N4BP2L1: variants seen among roughly 807,000 people sequenced by gnomAD.
N4BP2L1 encodes the protein NEDD4-binding protein 2-like 1.
Under a neutral mutation model 21.2 loss-of-function variants are expected in N4BP2L1, and 12 were observed. The observed-to-expected ratio is 0.57, with a 90% CI of 0.36 to 0.92. The LOEUF is 0.92. N4BP2L1 is among the 40% of genes least tolerant of loss of function. The pLI is 0.01. For synonymous variants in N4BP2L1, 104 were observed against 112.8 expected (o/e 0.92, Z 0.49); for missense variants, 259 against 310.6 (o/e 0.83, Z 1.25).
intron 3 of N4BP2L1, among the ~76,000 whole-genome samples, chr13:32,406,033 G>A (rs1218804534): frequency 3.3e-5 from 5 of 150,848 alleles, no homozygotes; most frequent in African/African-American, 7.3e-5. Flanking sequence ...CTCCCCAGTA[G>A]CTGGGACTAC....
At chr13:32,420,950 C>A (rs758377136) in intron 1 of N4BP2L1, among the ~76,000 whole-genome samples, 1 of 152,212 alleles carries the variant, frequency 6.6e-6, no homozygotes, top group Non-Finnish European at 1.5e-5. Context: ...CCCGCCTCAG[C>A]CTCCCAAAGT....
rs775266564 is a variant in N4BP2L1 at position 32,403,123 on chromosome 13, C to T, written c.551G>A (p.Ser184Asn). The T allele has an allele frequency of 1.5e-5, 24 of 1,613,988 alleles. No homozygotes were observed. The highest frequency in any genetic ancestry group is 1.9e-5 in the Non-Finnish European group (23 of 1,180,022). Reference sequence around the variant, plus strand: ...GCTTGGCTTTTCTGCATGAAGCACACTGTGAAAAGTAACATCGTGTTCATA... The same window carrying T: ...GCTTGGCTTTTCTGCATGAAGCACATTGTGAAAAGTAACATCGTGTTCATA... ...ERYEHDVTFH[S>N]VLHAEKPSRM... The change falls in exon 5 of 5, where the codon AGT becomes AAT. Residue 184 changes from serine to asparagine, a missense_variant. Ser to Asn is a conservative substitution (Grantham distance 46). Transcript: ENST00000380130.
At chr13:32,409,522 T>G (rs1400238623) in intron 1 of N4BP2L1, among the ~76,000 whole-genome samples, 4 of 152,236 alleles carry the variant, frequency 2.6e-5, no homozygotes, top group Admixed American at 6.5e-5. Flanking sequence ...TATTGAGCAC[T>G]TAACATGTGC....
chr13:32,402,523 CCCCA>C lies in N4BP2L1; in HGVS notation c.*415_*418del. On this transcript the variant is annotated 3_prime_UTR_variant, in exon 5 of 5. Transcript: ENST00000380130. Reference sequence around the variant, plus strand: ...GGCACTTTGATAAGTAGCAATGCCCCCCCACCACTTCTCTCCACCTTCCCAACTT... The same window carrying C: ...GGCACTTTGATAAGTAGCAATGCCCCCCACTTCTCTCCACCTTCCCAACTT... 1 of 472,298 alleles carries C rather than the reference CCCCA, an allele frequency of 2.1e-6. No homozygotes were observed. Among genetic ancestry groups the C allele is most frequent in the Non-Finnish European group, 2.6e-6 (1 of 379,724 alleles). 29.3% of individuals were successfully genotyped at this position (472,298 alleles called of 1,614,324 possible).
At chr13:32,408,612 C>T (rs1416272108) in intron 1 of N4BP2L1, among the ~76,000 whole-genome samples, 1 of 152,218 alleles carries the variant, frequency 6.6e-6, no homozygotes, top group Non-Finnish European at 1.5e-5. Flanking sequence ...TCATGCTCCG[C>T]AAGAACTGGA....
chr13:32,407,873 C>A, intron 1 of N4BP2L1, 101 bp from the exon 2 acceptor site: 1 of 1,331,656 alleles, frequency 7.5e-7, no homozygotes, highest in Middle Eastern at 1.9e-4. Flanking sequence ...GTTTATAATT[C>A]TGAGACCACC....
chr13:32,410,222 C>T (rs2073774116), intron 1 of N4BP2L1, among the ~76,000 whole-genome samples: 1 of 152,234 alleles, frequency 6.6e-6, no homozygotes, highest in Non-Finnish European at 1.5e-5. Flanking sequence ...GCGGAGTGCC[C>T]TAAGCAGGGT....
At chr13:32,405,892 C>CGTTT (rs2073452557) in intron 3 of N4BP2L1, among the ~76,000 whole-genome samples, 1 of 101,192 alleles carries the variant, frequency 9.9e-6, no homozygotes, top group Non-Finnish European at 1.8e-5. Context: ...TTCCTGCCCC[C>CGTTT]TTTTTTTTTT....
intron 1 of N4BP2L1, among the ~76,000 whole-genome samples, chr13:32,415,689 T>C (rs1244193525): frequency 6.6e-6 from 1 of 152,198 alleles, no homozygotes; most frequent in African/African-American, 2.4e-5. Context: ...TCTTTAATCT[T>C]TTATATCATA....
intron 1 of N4BP2L1, among the ~76,000 whole-genome samples, chr13:32,415,503 C>T (rs1205329056): frequency 1.3e-5 from 2 of 152,040 alleles, no homozygotes; most frequent in East Asian, 1.9e-4. Flanking sequence ...TATTTATTTT[C>T]ACATTTGTCT....
At chr13:32,417,078 G>A (rs1593284076) in intron 1 of N4BP2L1, among the ~76,000 whole-genome samples, 1 of 152,164 alleles carries the variant, frequency 6.6e-6, no homozygotes, top group African/African-American at 2.4e-5. Flanking sequence ...GCCTCCCAAA[G>A]TACTGGGATT....
chr13:32,404,420 A>C (rs2137725859), intron 3 of N4BP2L1, 23 bp from the exon 4 acceptor site: 1 of 1,526,574 alleles, frequency 6.6e-7, no homozygotes, highest in Middle Eastern at 2.2e-4. Flanking sequence ...AAGTACATAA[A>C]ACATTGAAGA....
intron 1 of N4BP2L1, among the ~76,000 whole-genome samples, chr13:32,415,562 T>C (rs770496048): frequency 1.3e-4 from 20 of 152,250 alleles, no homozygotes; most frequent in Non-Finnish European, 2.4e-4. Context: ...TTATCTCTAA[T>C]ATACTTTAAA....
At position 32,413,650 on chromosome 13, in the gene N4BP2L1, C is replaced by T. The variant is rs149934572; in HGVS notation, c.180-5878G>A. ...CAAAACTGTGAGCCCATGTACCGATCCAATTCTCCAACATTTCCCTCAGCA... is the reference window on the plus strand; with the variant it reads ...CAAAACTGTGAGCCCATGTACCGATTCAATTCTCCAACATTTCCCTCAGCA... On this transcript the variant is annotated intron_variant, in intron 1 of 4. Transcript: ENST00000380130. Among the ~76,000 whole-genome samples, 500 of 152,154 alleles carry T rather than the reference C, an allele frequency of 3.3e-3. 3 individuals are homozygous for T. Among genetic ancestry groups the T allele is most frequent in the African/African-American group, 0.011 (475 of 41,516 alleles).
intron 4 of N4BP2L1, 96 bp downstream of exon 4, chr13:32,404,225 A>C: frequency 6.3e-7 from 1 of 1,587,992 alleles, no homozygotes; most frequent in Non-Finnish European, 8.6e-7. Context: ...GAAAACTACC[A>C]TGTCCATTTC....
intron 1 of N4BP2L1, among the ~76,000 whole-genome samples, chr13:32,408,171 T>C (rs2073640122): frequency 6.6e-6 from 1 of 152,194 alleles, no homozygotes; most frequent in Non-Finnish European, 1.5e-5. Flanking sequence ...GACCTGCCCA[T>C]GGGTGCCAGA....
intron 4 of N4BP2L1, chr13:32,403,637 T>C (rs758864239): frequency 7.7e-6 from 4 of 522,544 alleles, no homozygotes; most frequent in South Asian, 5.8e-5. Context: ...ACTGGGGATA[T>C]AGTTAGAAAT....
chr13:32,410,587 C>A (rs2073804246), intron 1 of N4BP2L1, among the ~76,000 whole-genome samples: 1 of 152,194 alleles, frequency 6.6e-6, no homozygotes, highest in East Asian at 1.9e-4. Flanking sequence ...TTTAAAGATA[C>A]GCACATCGAA....
chr13:32,426,450 T>C (rs1477952469), intron 1 of N4BP2L1, among the ~76,000 whole-genome samples: 1 of 152,114 alleles, frequency 6.6e-6, no homozygotes, highest in Admixed American at 6.5e-5. Flanking sequence ...AGAGGGTCTA[T>C]TGAAATGTGT....
Sources: gnomAD v4.1 joint callset for allele counts (sites outside exome capture counted in the v4.1 genomes callset) on GRCh38, gnomAD v4.1.1 for gene constraint, MANE v1.5 for transcripts, NCBI Gene and HGNC (gene_info 2026-07-23, HGNC 2026-07-21) for gene names.